Variants in CAMK1D observed in about 807,000 individuals in gnomAD.
CAMK1D encodes calcium/calmodulin-dependent protein kinase type 1D.
A neutral mutation model predicts 47.7 loss-of-function variants in CAMK1D; 9 were observed. That is an observed-to-expected ratio of 0.19 (90% CI 0.11 to 0.33). The LOEUF (loss-of-function observed/expected upper bound fraction) is 0.33, where lower values mean the gene tolerates loss of function less well. Ranked by LOEUF, CAMK1D falls within the 10% of genes least tolerant of loss-of-function variation. The pLI is 1.00. For missense variants in CAMK1D, 291 were observed against 488.7 expected (o/e 0.60, Z 3.81); for synonymous variants, 184 against 184.9 (o/e 0.99, Z 0.04).
intron 3 of CAMK1D, among the ~76,000 whole-genome samples, chr10:12,696,276 C>A (rs545479053): frequency 4.4e-4 from 67 of 152,158 alleles, no homozygotes; most frequent in African/African-American, 1.5e-3. Context: ...GTGGCTCATG[C>A]CCGTAATCCC....
At chr10:12,674,455 C>CTCAGCACCTTAATA (rs1386707279) in intron 3 of CAMK1D, among the ~76,000 whole-genome samples, 1 of 152,104 alleles carries the variant, frequency 6.6e-6, no homozygotes, top group Non-Finnish European at 1.5e-5. Flanking sequence ...ACAGGGGATG[C>CTCAGCACCTTAATA]TCAGCACCTT....
At position 12,650,293 on chromosome 10, in the gene CAMK1D, C is replaced by A. The variant is rs140964876; in HGVS notation, c.225-16443C>A. Reference sequence around the variant, plus strand: ...CGCAGATTGATCCTGGGGAGCAGCCCGACCAGCGTGCCAGGGGCAGGGTCA... The same window carrying A: ...CGCAGATTGATCCTGGGGAGCAGCCAGACCAGCGTGCCAGGGGCAGGGTCA... On this transcript the variant is annotated intron_variant, in intron 2 of 10. Transcript: ENST00000619168. Among the ~76,000 whole-genome samples, 244 of 152,340 alleles carry A rather than the reference C, an allele frequency of 1.6e-3. 1 individual carries two copies. The highest frequency in any genetic ancestry group is 5.6e-3 in the African/African-American group (232 of 41,576).
chr10:12,528,278 T>TCA (rs1245080692), intron 1 of CAMK1D, among the ~76,000 whole-genome samples: 3 of 152,246 alleles, frequency 2.0e-5, no homozygotes, highest in African/African-American at 7.2e-5. Context: ...CACTTGACTA[T>TCA]CACATATTAG....
chr10:12,642,581 A>G (rs1404442516), intron 2 of CAMK1D, among the ~76,000 whole-genome samples: 1 of 152,230 alleles, frequency 6.6e-6, no homozygotes, highest in Non-Finnish European at 1.5e-5. Context: ...CACCCATGGA[A>G]GACCTGCTTA....
At chr10:12,752,109 G>T (rs1271000076) in intron 3 of CAMK1D, among the ~76,000 whole-genome samples, 2 of 151,746 alleles carry the variant, frequency 1.3e-5, no homozygotes, top group Non-Finnish European at 2.9e-5. Context: ...TCAGCCTCCC[G>T]AGTAGCTGGG....
In CAMK1D at chr10:12,416,149, ATTC is replaced by A. The variant is rs1490191523; in HGVS notation, c.92+66242_92+66244del. On this transcript the variant is annotated intron_variant, in intron 1 of 10. Coordinates refer to ENST00000619168, the MANE Select transcript of CAMK1D (RefSeq NM_153498.4). ...ATATAGAATTCACTTTTTGGATATT[ATTC>A]TTGTTTTTTTTTTAGCATCTACATT... 10 of 152,190 alleles carry A rather than the reference ATTC, an allele frequency of 6.6e-5. No homozygotes were observed. In the East Asian group the frequency reaches 1.9e-3, roughly 29 times the overall value. 9.4% of individuals were successfully genotyped at this position (152,190 alleles called of 1,614,324 possible).
intron 4 of CAMK1D, among the ~76,000 whole-genome samples, chr10:12,769,194 A>G (rs1235248607): frequency 6.6e-6 from 1 of 152,190 alleles, no homozygotes; most frequent in African/African-American, 2.4e-5. Flanking sequence ...GCTGGCCTTC[A>G]TGAAGGGTGC....
intron 3 of CAMK1D, among the ~76,000 whole-genome samples, chr10:12,702,736 T>G (rs1375339447): frequency 6.6e-6 from 1 of 152,174 alleles, no homozygotes; most frequent in East Asian, 1.9e-4. Flanking sequence ...GAGCTGGTAT[T>G]TAAGTCCAGG....
At chr10:12,734,509 CATAT>C (rs1172658261) in intron 3 of CAMK1D, among the ~76,000 whole-genome samples, 1 of 140,584 alleles carries the variant, frequency 7.1e-6, no homozygotes, top group Non-Finnish European at 1.5e-5. Flanking sequence ...TACACACACA[CATAT>C]ATATACACGT....
chr10:12,378,418 ATTTTTT>A (rs71384317), intron 1 of CAMK1D, among the ~76,000 whole-genome samples: 1 of 142,792 alleles, frequency 7.0e-6, no homozygotes, highest in Non-Finnish European at 1.5e-5. Context: ...GCAAACTTAA[ATTTTTT>A]TTTTTTTTTG....
At chr10:12,770,160 A>G (rs1436692850) in intron 5 of CAMK1D, among the ~76,000 whole-genome samples, 6 of 152,248 alleles carry the variant, frequency 3.9e-5, no homozygotes. Flanking sequence ...AGATAACAGT[A>G]AGGTGCACAC....
At chr10:12,816,956 A>G (rs935861596) in intron 8 of CAMK1D, among the ~76,000 whole-genome samples, 7 of 151,694 alleles carry the variant, frequency 4.6e-5, no homozygotes, top group African/African-American at 1.7e-4. Flanking sequence ...TCACAGTTCC[A>G]CGTGGCTGGG....
chr10:12,355,790 C>T (rs1480928890), intron 1 of CAMK1D, among the ~76,000 whole-genome samples: 1 of 152,150 alleles, frequency 6.6e-6, no homozygotes, highest in Non-Finnish European at 1.5e-5. Flanking sequence ...CTGCTATATT[C>T]TAGGCACCGA....
At chr10:12,658,487 C>T (rs1459698442) in intron 2 of CAMK1D, among the ~76,000 whole-genome samples, 3 of 152,080 alleles carry the variant, frequency 2.0e-5, no homozygotes, top group Admixed American at 2.0e-4. Context: ...GTGCTCCACC[C>T]CCAGGCCTAT....
At chr10:12,541,842 T>TCTTCCTTCCTTCCTTCCTTCCTTC (rs150179810) in intron 1 of CAMK1D, among the ~76,000 whole-genome samples, 3,477 of 116,512 alleles carry the variant, frequency 0.03, 182 homozygotes, top group South Asian at 0.038. Context: ...CTGTGTTTTA[T>TCTTCCTTCCTTCCTTCCTTCCTTC]CTTCCTTCCT....
chr10:12,507,744 T>C (rs1834920258), intron 1 of CAMK1D, among the ~76,000 whole-genome samples: 1 of 152,186 alleles, frequency 6.6e-6, no homozygotes, highest in Non-Finnish European at 1.5e-5. Flanking sequence ...CTTCCTGTGG[T>C]TCCCAATTCT....
At chr10:12,365,905 A>C (rs1837819484) in intron 1 of CAMK1D, among the ~76,000 whole-genome samples, 1 of 152,030 alleles carries the variant, frequency 6.6e-6, no homozygotes, top group Non-Finnish European at 1.5e-5. Flanking sequence ...AATACAAAAA[A>C]ATTAGCTGGG....
At chr10:12,453,193 CT>C (rs59619218) in intron 1 of CAMK1D, among the ~76,000 whole-genome samples, 80,476 of 137,428 alleles carry the variant, frequency 0.59, 23,215 homozygotes, top group African/African-American at 0.63. Flanking sequence ...TTTCTTTTTT[CT>C]TTTTTTTTTT....
At position 12,593,593 on chromosome 10, in the gene CAMK1D, AAAAC is replaced by A. The variant is rs893898061; in HGVS notation, c.224+40253_224+40256del. Among the ~76,000 whole-genome samples the A allele has an allele frequency of 1.8e-4, 28 of 151,480 alleles. 2 individuals carry two copies. In the East Asian group the frequency reaches 3.9e-3, roughly 21 times the overall value. On this transcript the variant is annotated intron_variant, in intron 2 of 10. Coordinates refer to ENST00000619168, the MANE Select transcript of CAMK1D (RefSeq NM_153498.4). ...CAACAAGAGCGAAACTCCGTCTCAA[AAAAC>A]AAACAAACAAACAAAAATCAGAATT...
Sources: gnomAD v4.1 joint callset for allele counts (sites outside exome capture counted in the v4.1 genomes callset) on GRCh38, gnomAD v4.1.1 for gene constraint, MANE v1.5 for transcripts, NCBI Gene and HGNC (gene_info 2026-07-23, HGNC 2026-07-21) for gene names.